The following FIGN variants were observed in gnomAD, a reference collection of about 807,000 sequenced individuals.
FIGN encodes fidgetin.
In FIGN, 11 loss-of-function variants were observed where a neutral mutation model predicts 51.3. The ratio of observed to expected loss-of-function variants is 0.21; its 90% CI spans 0.13 to 0.35. The LOEUF is 0.35. Among genes scored for constraint, FIGN ranks in the 10% least tolerant of loss-of-function variants. The pLI is 1.00. For missense variants in FIGN, 857 were observed against 943.6 expected (o/e 0.91, Z 1.20); for synonymous variants, 407 against 363.2 (o/e 1.12, Z -1.37).
At chr2:163,624,831 T>C (rs1309336044) in intron 2 of FIGN, among the ~76,000 whole-genome samples, 1 of 151,766 alleles carries the variant, frequency 6.6e-6, no homozygotes, top group Non-Finnish European at 1.5e-5. Flanking sequence ...AAACCACTCT[T>C]TAGAAAAATA....
intron 2 of FIGN, among the ~76,000 whole-genome samples, chr2:163,652,026 G>C (rs1683484893): frequency 2.0e-5 from 3 of 152,168 alleles, no homozygotes; most frequent in Non-Finnish European, 4.4e-5. Flanking sequence ...CATACCTCCA[G>C]TTAGGAAGTT....
At chr2:163,668,192 T>C (rs994993070) in intron 2 of FIGN, among the ~76,000 whole-genome samples, 19 of 152,112 alleles carry the variant, frequency 1.2e-4, no homozygotes, top group Admixed American at 9.2e-4. Context: ...CTGTCTCACA[T>C]TGGGACCCAA....
chr2:163,607,978 C>A lies in FIGN; in HGVS notation c.*1574G>T, dbSNP rs1202072339. 1 of 152,530 alleles carries A rather than the reference C, an allele frequency of 6.6e-6. No homozygotes were observed. The highest frequency in any genetic ancestry group is 1.5e-5 in the Non-Finnish European group (1 of 68,024). The allele number at this position is 152,530 out of a possible 1,614,324, so 9.4% of individuals were successfully genotyped here. ...ACTTATGCCATGGGTAGGGGTGGGG[C>A]TGGTAGACTGAGGTGGAAGTAAGCA... On this transcript the variant is annotated 3_prime_UTR_variant, in exon 3 of 3. Coordinates refer to ENST00000333129, the MANE Select transcript of FIGN (RefSeq NM_018086.4).
At chr2:163,723,965 G>A (rs1482502339) in intron 2 of FIGN, among the ~76,000 whole-genome samples, 1 of 152,114 alleles carries the variant, frequency 6.6e-6, no homozygotes, top group African/African-American at 2.4e-5. Context: ...TTTCTTAAGA[G>A]AAACAAAAAT....
chr2:163,724,096 T>A (rs1684802090), intron 2 of FIGN, among the ~76,000 whole-genome samples: 1 of 152,160 alleles, frequency 6.6e-6, no homozygotes. Context: ...ATCACCTCAA[T>A]CATCTCTTCT....
chr2:163,628,444 A>G (rs1683092018), intron 2 of FIGN, among the ~76,000 whole-genome samples: 2 of 152,192 alleles, frequency 1.3e-5, no homozygotes, highest in African/African-American at 4.8e-5. Flanking sequence ...GTATATGTCT[A>G]TGCATGGGGG....
intron 2 of FIGN, among the ~76,000 whole-genome samples, chr2:163,644,514 G>C (rs762070563): frequency 6.6e-6 from 1 of 152,168 alleles, no homozygotes; most frequent in South Asian, 2.1e-4. Flanking sequence ...TTGGTAAACA[G>C]TATGTTTTCC....
intron 2 of FIGN, among the ~76,000 whole-genome samples, chr2:163,677,099 T>C (rs897677750): frequency 1.7e-4 from 26 of 152,186 alleles, no homozygotes; most frequent in Non-Finnish European, 2.6e-4. Context: ...CCAAACAATC[T>C]GTCTCAAGAA....
intron 2 of FIGN, among the ~76,000 whole-genome samples, chr2:163,732,828 C>A (rs1559036384): frequency 6.6e-6 from 1 of 152,182 alleles, no homozygotes; most frequent in African/African-American, 2.4e-5. Context: ...ACAAGGCAGT[C>A]CCTGATAGAT....
chr2:163,685,270 C>T (rs1225577219), intron 2 of FIGN, among the ~76,000 whole-genome samples: 1 of 152,118 alleles, frequency 6.6e-6, no homozygotes. Context: ...ATCTGTACTC[C>T]TTGTTCTACC....
At chr2:163,687,428 C>T (rs75488664) in intron 2 of FIGN, among the ~76,000 whole-genome samples, 91 of 152,246 alleles carry the variant, frequency 6.0e-4, no homozygotes, top group African/African-American at 2.2e-3. Context: ...TGAACAGAGT[C>T]GGGTCACCTG....
intron 2 of FIGN, among the ~76,000 whole-genome samples, chr2:163,697,818 T>A (rs62169942): frequency 0.11 from 16,571 of 152,262 alleles, 973 homozygotes; most frequent in Middle Eastern, 0.17. Flanking sequence ...CAACATATAC[T>A]ATATACCATA....
At chr2:163,665,603 C>G (rs1392012228) in intron 2 of FIGN, among the ~76,000 whole-genome samples, 1 of 152,128 alleles carries the variant, frequency 6.6e-6, no homozygotes, top group Non-Finnish European at 1.5e-5. Flanking sequence ...TGAACTATTT[C>G]TATTAAGCCC....
chr2:163,698,681 G>T (rs184319325), intron 2 of FIGN, among the ~76,000 whole-genome samples: 6 of 152,258 alleles, frequency 3.9e-5, no homozygotes, highest in South Asian at 2.1e-4. Context: ...TAAGGAAACA[G>T]AACTTTTGTA....
intron 2 of FIGN, among the ~76,000 whole-genome samples, chr2:163,651,045 A>C (rs1010526261): frequency 1.3e-5 from 2 of 152,202 alleles, no homozygotes; most frequent in African/African-American, 4.8e-5. Flanking sequence ...ACAACAAAAA[A>C]TGTTGGATAG....
chr2:163,682,837 G>C (rs1394165134), intron 2 of FIGN, among the ~76,000 whole-genome samples: 1 of 152,182 alleles, frequency 6.6e-6, no homozygotes, highest in Non-Finnish European at 1.5e-5. Context: ...AAAGTGAAGA[G>C]ACTATGCTAG....
intron 2 of FIGN, among the ~76,000 whole-genome samples, chr2:163,682,897 A>C (rs561861171): frequency 6.6e-6 from 1 of 152,270 alleles, no homozygotes; most frequent in African/African-American, 2.4e-5. Context: ...GAGTCACTTA[A>C]CCTCTTTGAG....
intron 2 of FIGN, among the ~76,000 whole-genome samples, chr2:163,634,089 C>CGTGTGTGTGTGTGT (rs66956230): frequency 4.2e-4 from 61 of 145,492 alleles, no homozygotes; most frequent in Middle Eastern, 3.6e-3. Context: ...CGTATGTATG[C>CGTGTGTGTGTGTGT]GTGTGTGTGT....
At chr2:163,628,723 A>AG (rs2105309331) in intron 2 of FIGN, among the ~76,000 whole-genome samples, 1 of 152,254 alleles carries the variant, frequency 6.6e-6, no homozygotes, top group African/African-American at 2.4e-5. Context: ...AGGAAAGGAA[A>AG]GGGGGCATTT....
Sources: allele counts gnomAD v4.1 joint callset (sites outside exome capture counted in the v4.1 genomes callset), GRCh38; gene constraint gnomAD v4.1.1; transcripts MANE v1.5; gene names NCBI Gene and HGNC (gene_info 2026-07-23, HGNC 2026-07-21).